The following CHPF2 variants were observed in gnomAD, a reference collection of about 807,000 sequenced individuals.
CHPF2 encodes the protein chondroitin polymerizing factor 2, also known as chondroitin polymerizing factor 2, non-catalytic subunit.
CHPF2 carries 58 observed loss-of-function variants against 63.0 expected under a neutral mutation model. The ratio of observed to expected loss-of-function variants is 0.92; its 90% CI spans 0.75 to 1.15. The LOEUF (loss-of-function observed/expected upper bound fraction) is 1.15. Among genes scored for constraint, CHPF2 ranks in the 50% most tolerant of loss-of-function variants. CHPF2 has a pLI of 0.00. For synonymous variants in CHPF2, 442 were observed against 438.0 expected (o/e 1.01, Z -0.11); for missense variants, 1,045 against 1,035.4 (o/e 1.01, Z -0.13).
chr7:151,235,693 T>G, intron 2 of CHPF2, 81 bp downstream of exon 2: 1 of 1,320,818 alleles, frequency 7.6e-7, no homozygotes, highest in Non-Finnish European at 1.0e-6. Flanking sequence ...AGCAGCACCT[T>G]AGAGGCCATT....
intron 2 of CHPF2, among the ~76,000 whole-genome samples, chr7:151,236,132 T>A (rs1217769170): frequency 6.6e-6 from 1 of 152,246 alleles, no homozygotes; most frequent in Non-Finnish European, 1.5e-5. Context: ...ATTTTTAATA[T>A]GTTATTTCTG....
rs753696612 is a variant in CHPF2 at position 151,238,366 on chromosome 7, T to C, written c.2004T>C (p.Ala668=). ...TAGGGGGGAGATTTGACCGGCAGGC[T>C]TCTGCGGAGGGCTGCTTCTACAACG... is the stretch of plus-strand genomic sequence containing the variant. The part of the protein sequence containing the change: ...APIGGRFDRQ[A]SAEGCFYNAD... Residue 668 remains alanine, a synonymous_variant, in exon 4 of 4, where the codon GCT becomes GCC. Coordinates refer to ENST00000035307, the MANE Select transcript of CHPF2 (RefSeq NM_019015.3). The C allele has an allele frequency of 2.5e-5, 40 of 1,608,202 alleles. No homozygotes were observed. Among genetic ancestry groups the C allele is most frequent in the African/African-American group, 1.3e-5 (1 of 74,796 alleles).
chr7:151,236,395 A>G lies in CHPF2; in HGVS notation c.829-13A>G, dbSNP rs747547881. 5 of 1,554,794 alleles carry G rather than the reference A, an allele frequency of 3.2e-6. No homozygotes were observed. The Admixed American group carries it at 9.3e-5, about 29-fold the overall frequency. ...CTTGTGTGTGTCATTGATTGGTCTG[A>G]TTGTCCCTCTAGGGGCAGCAGTATC... On this transcript the variant is annotated splice_polypyrimidine_tract_variant and intron_variant, in intron 2 of 3. Transcript: ENST00000035307.
Position 151,237,378 on chromosome 7 carries a change from A to G in CHPF2, c.1016A>G (p.Gln339Arg), listed in dbSNP as rs761119791. ...AYSEIEQLQAQIRNLTVLTPE... is the reference protein window; with the variant it reads ...AYSEIEQLQARIRNLTVLTPE... ...GGTGCATTCCCTCCAACCCAGGCTC[A>G]GATCCGGAACCTGACCGTGCTGACC... is the stretch of plus-strand genomic sequence containing the variant. Residue 339 changes from glutamine to arginine, a missense_variant, in exon 4 of 4, where the codon CAG (glutamine) becomes CGG (arginine). Gln to Arg is a conservative substitution (Grantham distance 43, BLOSUM62 1). Coordinates refer to ENST00000035307, the MANE Select transcript of CHPF2 (RefSeq NM_019015.3). The G allele has an allele frequency of 1.9e-6, 3 of 1,588,016 alleles. No homozygotes were observed. The highest frequency in any genetic ancestry group is 2.7e-5 in the African/African-American group (2 of 74,510).
At position 151,233,058 on chromosome 7, in the gene CHPF2, TG is replaced by T. The variant is rs1464301909; in HGVS notation, c.-953del. ...TCCTGTCGGAAGCTGGCCGCGCTTCTGTTTGCGTTCCCAGGACCCTGGCATT... is the reference window on the plus strand; with the variant it reads ...TCCTGTCGGAAGCTGGCCGCGCTTCTTTTGCGTTCCCAGGACCCTGGCATT... On this transcript the variant is annotated 5_prime_UTR_variant, in exon 1 of 4. Coordinates refer to ENST00000035307, the MANE Select transcript of CHPF2 (RefSeq NM_019015.3). The T allele has an allele frequency of 1.6e-6, 2 of 1,255,950 alleles. No individual in the cohort carries two copies. Among genetic ancestry groups the T allele is most frequent in the Admixed American group, 4.2e-5 (1 of 23,602 alleles). 77.8% of individuals were successfully genotyped at this position (1,255,950 alleles called of 1,614,324 possible).
chr7:151,235,107 C>T lies in CHPF2; in HGVS notation c.323C>T (p.Thr108Ile). 6.3e-7 allele frequency: 1 copy of T among 1,598,386 alleles called. No homozygotes were observed. Among genetic ancestry groups the T allele is most frequent in the South Asian group, 1.1e-5 (1 of 89,606 alleles). Residue 108 changes from threonine to isoleucine, a missense_variant, in exon 2 of 4, where the codon ACC becomes ATC. By Grantham distance (89) the Thr-to-Ile change is moderately conservative. Transcript: ENST00000035307. ...SRERLLVAVLTSRATLSTLAV... is the reference protein window; with the variant it reads ...SRERLLVAVLISRATLSTLAV... ...GAGCGGTTGCTGGTGGCTGTCCTGA[C>T]CTCCCGAGCTACACTGTCCACTTTG...
rs1802749495 is a variant in CHPF2 at position 151,238,232 on chromosome 7, CAGG to C, written c.1873_1875del (p.Glu625del). 3 of 1,612,820 alleles carry C rather than the reference CAGG, an allele frequency of 1.9e-6. No homozygotes were observed. The highest frequency in any genetic ancestry group is 1.7e-5 in the Admixed American group (1 of 60,002). On this transcript the variant is annotated inframe_deletion, in exon 4 of 4. Transcript: ENST00000035307. ...GCAGGCCTTCTTTCCAGTCCATTTC[CAGG>C]AGTTCAATCCTGCCCTGTCACCACA...
In CHPF2 at chr7:151,233,484, T is replaced by C; in HGVS notation, c.-528T>C. The C allele has an allele frequency of 1.0e-6, 1 of 985,794 alleles. No homozygotes were observed. Among genetic ancestry groups the C allele is most frequent in the Non-Finnish European group, 1.2e-6 (1 of 830,180 alleles). 61.1% of individuals were successfully genotyped at this position (985,794 alleles called of 1,614,324 possible). A position where few individuals can be genotyped will look rare whatever the true frequency, so the allele number is the denominator to read the frequency against. ...CGCAGTGGCTCAGCAGCCCCTTCAG[T>C]AGCCCGCCTGAGGACCGATGCCAGA... On this transcript the variant is annotated 5_prime_UTR_variant, in exon 1 of 4. Coordinates refer to ENST00000035307, the MANE Select transcript of CHPF2 (RefSeq NM_019015.3).
At position 151,238,085 on chromosome 7, in the gene CHPF2, C is replaced by G. The variant is rs748127148; in HGVS notation, c.1723C>G (p.Arg575Gly). Residue 575 changes from arginine to glycine, a missense_variant, in exon 4 of 4, where the codon CGA becomes GGA. Coordinates refer to ENST00000035307, the MANE Select transcript of CHPF2 (RefSeq NM_019015.3). ...GCGAGCAGAGGCCCCTTCCCAGGTGCGACTCATGGACGTGGTCTCGAAGAA... is the reference window on the plus strand; with the variant it reads ...GCGAGCAGAGGCCCCTTCCCAGGTGGGACTCATGGACGTGGTCTCGAAGAA... Reference protein sequence around the residue: ...AVRAEAPSQVRLMDVVSKKHP... With the variant: ...AVRAEAPSQVGLMDVVSKKHP... 8 of 1,612,158 alleles carry G rather than the reference C, an allele frequency of 5.0e-6. 1 individual carries two copies. Among genetic ancestry groups the G allele is most frequent in the Non-Finnish European group, 6.8e-6 (8 of 1,179,998 alleles).
rs970034128 is a variant in CHPF2 at position 151,232,794 on chromosome 7, G to T, written c.-1218G>T. On this transcript the variant is annotated 5_prime_UTR_variant, in exon 1 of 4. Transcript: ENST00000035307. ...TGTCTCTGGCGCGGCCTCCGCTCCC[G>T]CCGACTGGCCTGAGAACGAGGTCTG... 8 of 1,501,318 alleles carry T rather than the reference G, an allele frequency of 5.3e-6. No homozygotes were observed. Among genetic ancestry groups the T allele is most frequent in the Non-Finnish European group, 7.1e-6 (8 of 1,131,898 alleles). The allele number at this position is 1,501,318 out of a possible 1,614,324, so 93.0% of individuals were successfully genotyped here.
Position 151,233,369 on chromosome 7 carries a change from AGGGGTTCCT to A in CHPF2, c.-641_-633del, listed in dbSNP as rs775528689. Reference sequence around the variant, plus strand: ...CTCCAGACCGCTCCTGAGTGGGAGGAGGGGTTCCTGTAGCCGTTGCGTCTTCTCAAACAC... The same window carrying A: ...CTCCAGACCGCTCCTGAGTGGGAGGAGTAGCCGTTGCGTCTTCTCAAACAC... On this transcript the variant is annotated 5_prime_UTR_variant, in exon 1 of 4. Coordinates refer to ENST00000035307, the MANE Select transcript of CHPF2 (RefSeq NM_019015.3). 5.4e-4 allele frequency: 531 copies of A among 985,804 alleles called. 1 individual carries two copies. The highest frequency in any genetic ancestry group is 5.8e-4 in the Non-Finnish European group (484 of 830,212). 61.1% of individuals were successfully genotyped at this position (985,804 alleles called of 1,614,324 possible). A position where few individuals can be genotyped will look rare whatever the true frequency, so the allele number is the denominator to read the frequency against.
At chr7:151,235,958 C>T (rs10233479) in intron 2 of CHPF2, among the ~76,000 whole-genome samples, 13,785 of 152,200 alleles carry the variant, frequency 0.091, 705 homozygotes, top group Non-Finnish European at 0.11. Context: ...GATCACTTTT[C>T]CAGCCCAGAG....
Position 151,235,201 on chromosome 7 carries a change from G to A in CHPF2, c.417G>A (p.Gly139=). The A allele has an allele frequency of 1.2e-6, 2 of 1,613,150 alleles. No individual in the cohort carries two copies. Among genetic ancestry groups the A allele is most frequent in the Non-Finnish European group, 1.7e-6 (2 of 1,179,566 alleles). ...PRLLYFTGQR[G]ARAPAGMQVV... Reference sequence around the variant, plus strand: ...TACTCTACTTCACTGGGCAGCGGGGGGCCCGGGCTCCAGCAGGGATGCAGG... The same window carrying A: ...TACTCTACTTCACTGGGCAGCGGGGAGCCCGGGCTCCAGCAGGGATGCAGG... The change falls in exon 2 of 4, where the codon GGG becomes GGA. Residue 139 remains glycine, a synonymous_variant. Coordinates refer to ENST00000035307, the MANE Select transcript of CHPF2 (RefSeq NM_019015.3).
At position 151,238,608 on chromosome 7, in the gene CHPF2, A is replaced by G. The variant is rs1802782358; in HGVS notation, c.2246A>G (p.Asn749Ser). The G allele has an allele frequency of 1.9e-6, 3 of 1,612,862 alleles. No homozygotes were observed. The East Asian group carries it at 6.7e-5, about 36-fold the overall frequency. Reference protein sequence around the residue: ...EELYHRCRLSNLEGLGGRAQL... With the variant: ...EELYHRCRLSSLEGLGGRAQL... ...CTCTACCACCGCTGCCGCCTCAGCAACCTGGAGGGGCTAGGGGGCCGTGCC... is the reference window on the plus strand; with the variant it reads ...CTCTACCACCGCTGCCGCCTCAGCAGCCTGGAGGGGCTAGGGGGCCGTGCC... Residue 749 changes from asparagine (N) to serine (S), a missense_variant, in exon 4 of 4, where the codon AAC becomes AGC. Physicochemically the swap from Asn to Ser is conservative, Grantham distance 46. Coordinates refer to ENST00000035307, the MANE Select transcript of CHPF2 (RefSeq NM_019015.3).
rs981380150 is a variant in CHPF2 at position 151,233,686 on chromosome 7, T to C, written c.-326T>C. On this transcript the variant is annotated 5_prime_UTR_variant, in exon 1 of 4. Transcript: ENST00000035307. Reference sequence around the variant, plus strand: ...CCTTTTTGGGTTAGCTTTGGCAGTATTGAGTTTTACTTCCTCCTCTTTTTA... The same window carrying C: ...CCTTTTTGGGTTAGCTTTGGCAGTACTGAGTTTTACTTCCTCCTCTTTTTA... The C allele has an allele frequency of 7.5e-6, 8 of 1,073,228 alleles. No homozygotes were observed. Among genetic ancestry groups the C allele is most frequent in the Non-Finnish European group, 9.0e-6 (8 of 887,852 alleles). 66.5% of individuals were successfully genotyped at this position (1,073,228 alleles called of 1,614,324 possible).
At chr7:151,235,786 G>A (rs972878213) in intron 2 of CHPF2, among the ~76,000 whole-genome samples, 174 bp downstream of exon 2, 2 of 152,226 alleles carry the variant, frequency 1.3e-5, no homozygotes, top group African/African-American at 2.4e-5. Flanking sequence ...GCTATCAAAA[G>A]TAGTATCTTG....
chr7:151,238,458 T>G lies in CHPF2; in HGVS notation c.2096T>G (p.Leu699Arg). The change falls in exon 4 of 4, where the codon CTG becomes CGG. Residue 699 changes from leucine to arginine, a missense_variant. Transcript: ENST00000035307. ...GCAGGCCAGGAAGAGGAGGAAGCCC[T>G]GGAGGGGCTGGAGGTGATGGATGTT... ...ELAGQEEEEALEGLEVMDVFL... is the reference protein window; with the variant it reads ...ELAGQEEEEAREGLEVMDVFL... 6.3e-7 allele frequency: 1 copy of G among 1,580,280 alleles called. No individual in the cohort carries two copies. The highest frequency in any genetic ancestry group is 1.1e-5 in the South Asian group (1 of 87,908).
Position 151,236,404 on chromosome 7 carries a change from C to G in CHPF2, c.829-4C>G. The G allele has an allele frequency of 6.4e-7, 1 of 1,568,514 alleles. No individual in the cohort carries two copies. The highest frequency in any genetic ancestry group is 8.7e-7 in the Non-Finnish European group (1 of 1,150,418). On this transcript the variant is annotated splice_polypyrimidine_tract_variant and splice_region_variant and intron_variant, in intron 2 of 3. Transcript: ENST00000035307. Reference sequence around the variant, plus strand: ...GTCATTGATTGGTCTGATTGTCCCTCTAGGGGCAGCAGTATCGCTCATTTG... The same window carrying G: ...GTCATTGATTGGTCTGATTGTCCCTGTAGGGGCAGCAGTATCGCTCATTTG...
At position 151,238,670 on chromosome 7, in the gene CHPF2, A is replaced by G; in HGVS notation, c.2308A>G (p.Asn770Asp). 6.2e-7 allele frequency: 1 copy of G among 1,609,940 alleles called. No individual in the cohort carries two copies. Among genetic ancestry groups the G allele is most frequent in the Admixed American group, 1.7e-5 (1 of 59,708 alleles). ...GGCTCTCTTTGAGCAGGAGCAGGCCAATAGCACTTAGCCCGCCTGGGGGCC... is the reference window on the plus strand; with the variant it reads ...GGCTCTCTTTGAGCAGGAGCAGGCCGATAGCACTTAGCCCGCCTGGGGGCC... ...AMALFEQEQA[N>D]ST is the part of the protein sequence containing the mutation. Residue 770 changes from asparagine (N) to aspartate (D), a missense_variant, in exon 4 of 4, where the codon AAT becomes GAT. Coordinates refer to ENST00000035307, the MANE Select transcript of CHPF2 (RefSeq NM_019015.3).
Sources: allele counts gnomAD v4.1 joint callset (sites outside exome capture counted in the v4.1 genomes callset), GRCh38; gene constraint gnomAD v4.1.1; transcripts MANE v1.5; gene names NCBI Gene and HGNC (gene_info 2026-07-23, HGNC 2026-07-21).